SLC35F3: variants seen among roughly 807,000 people sequenced by gnomAD.
SLC35F3 encodes the protein solute carrier family 35 member F3.
A neutral mutation model predicts 49.9 loss-of-function variants in SLC35F3; 25 were observed. The ratio of observed to expected loss-of-function variants is 0.50; its 90% CI spans 0.37 to 0.70. The LOEUF is 0.70. SLC35F3 is among the 30% of genes least tolerant of loss of function. The pLI is 0.00. For missense variants in SLC35F3, 525 were observed against 639.8 expected, an observed-to-expected ratio of 0.82 and a Z score of 1.94; for synonymous variants, 275 against 265.4, an observed-to-expected ratio of 1.04 and a Z score of -0.35.
intron 2 of SLC35F3, among the ~76,000 whole-genome samples, chr1:234,210,089 G>C (rs1667027841): frequency 6.6e-6 from 1 of 152,136 alleles, no homozygotes; most frequent in Admixed American, 6.5e-5. Flanking sequence ...GAGTGAGTAA[G>C]TCTCATGAGA....
intron 2 of SLC35F3, among the ~76,000 whole-genome samples, chr1:234,010,995 A>G (rs2102837539): frequency 6.6e-6 from 1 of 152,326 alleles, no homozygotes; most frequent in Middle Eastern, 3.4e-3. Context: ...AATATGTATA[A>G]CCAAATCCAT....
intron 3 of SLC35F3, among the ~76,000 whole-genome samples, chr1:234,270,803 A>C (rs1558092990): frequency 6.6e-6 from 1 of 152,228 alleles, no homozygotes; most frequent in East Asian, 1.9e-4. Flanking sequence ...AATTGGGATG[A>C]TGCCTGCCTG....
In SLC35F3 at chr1:234,214,673, G is replaced by A; in HGVS notation, c.284-16744G>A. The A allele has an allele frequency of 7.1e-7, 1 of 1,411,636 alleles. No individual in the cohort carries two copies. Among genetic ancestry groups the A allele is most frequent in the Middle Eastern group, 1.8e-4 (1 of 5,434 alleles). 87.4% of individuals were successfully genotyped at this position (1,411,636 alleles called of 1,614,324 possible). A position where few individuals can be genotyped will look rare whatever the true frequency, so the allele number is the denominator to read the frequency against. ...TCTGGCTGCGGGGCGCCGGGGCTGGGGGTACTGCTCCCCCAGGACGCGGCT... is the reference window on the plus strand; with the variant it reads ...TCTGGCTGCGGGGCGCCGGGGCTGGAGGTACTGCTCCCCCAGGACGCGGCT... On this transcript the variant is annotated intron_variant, in intron 2 of 7. Transcript: ENST00000366618. This position sits in a 1 kb window ranked among gnomAD's most constrained non-coding sequence, Gnocchi z 8.0.
intron 2 of SLC35F3, among the ~76,000 whole-genome samples, chr1:234,203,296 G>C (rs1382769431): frequency 6.6e-6 from 1 of 152,200 alleles, no homozygotes; most frequent in Non-Finnish European, 1.5e-5. Flanking sequence ...TATTTTAAAA[G>C]TGAAAAGTTT....
At chr1:234,162,579 A>G (rs1442064494) in intron 2 of SLC35F3, among the ~76,000 whole-genome samples, 1 of 151,354 alleles carries the variant, frequency 6.6e-6, no homozygotes, top group Admixed American at 6.6e-5. Context: ...TCCCTCACCT[A>G]GCTCACCTCT....
rs1664295471 is a variant in SLC35F3, at chr1:234,046,629, T to G, written c.283+140871T>G. Among the ~76,000 whole-genome samples the G allele has an allele frequency of 6.6e-6, 1 of 152,184 alleles. No individual in the cohort carries two copies. The highest frequency in any genetic ancestry group is 2.1e-4 in the South Asian group (1 of 4,832). ...AATGATTTTACTCATGGTTTATACTTTTTCATATATACATATTTCTTGTCT... is the reference window on the plus strand; with the variant it reads ...AATGATTTTACTCATGGTTTATACTGTTTCATATATACATATTTCTTGTCT... On this transcript the variant is annotated intron_variant, in intron 2 of 7. Coordinates refer to ENST00000366618, the MANE Select transcript of SLC35F3 (RefSeq NM_173508.4). The surrounding 1 kb of genome is among the most constrained non-coding windows in gnomAD (Gnocchi z 4.4).
At chr1:234,064,810 A>G (rs529204772) in intron 2 of SLC35F3, among the ~76,000 whole-genome samples, 1 of 151,774 alleles carries the variant, frequency 6.6e-6, no homozygotes, top group South Asian at 2.1e-4. Flanking sequence ...AAAGTTTCTT[A>G]TCCTCTAACA....
chr1:233,944,557 T>C (rs990848339), intron 2 of SLC35F3, among the ~76,000 whole-genome samples: 4 of 151,996 alleles, frequency 2.6e-5, no homozygotes, highest in African/African-American at 9.7e-5. Context: ...AGCTCGGGAG[T>C]TCCGGTACCT....
intron 2 of SLC35F3, among the ~76,000 whole-genome samples, chr1:234,226,714 T>C (rs1431076154): frequency 6.6e-6 from 1 of 152,140 alleles, no homozygotes; most frequent in Non-Finnish European, 1.5e-5. Context: ...GTGCAGACAT[T>C]GCCTCTAGGT....
intron 2 of SLC35F3, among the ~76,000 whole-genome samples, chr1:234,008,376 A>C (rs1663663461): frequency 6.6e-6 from 1 of 152,128 alleles, no homozygotes; most frequent in South Asian, 2.1e-4. Flanking sequence ...CTGTGTTAGG[A>C]CTGTATGCTC....
chr1:234,264,286 C>T (rs751524848), intron 3 of SLC35F3, among the ~76,000 whole-genome samples: 11 of 152,224 alleles, frequency 7.2e-5, no homozygotes, highest in African/African-American at 1.2e-4. Flanking sequence ...GACCTCACTC[C>T]AGCAGTTGTT....
intron 2 of SLC35F3, among the ~76,000 whole-genome samples, chr1:234,058,804 GT>G (rs200101159): frequency 2.6e-5 from 4 of 151,206 alleles, no homozygotes; most frequent in African/African-American, 4.9e-5. Flanking sequence ...ATTTTTTTGG[GT>G]TTTTTTTGGT....
chr1:234,224,124 G>A (rs558310436), intron 2 of SLC35F3, among the ~76,000 whole-genome samples: 6 of 152,066 alleles, frequency 3.9e-5, no homozygotes, highest in Admixed American at 6.5e-5. Context: ...GAGTGCACTG[G>A]CGCAATCACT....
chr1:234,180,377 T>C (rs1163858728), intron 2 of SLC35F3, among the ~76,000 whole-genome samples: 1 of 152,200 alleles, frequency 6.6e-6, no homozygotes, highest in Non-Finnish European at 1.5e-5. Flanking sequence ...CTTAAATCCC[T>C]TTCTTCAGAA....
At chr1:233,930,126 C>T (rs1262597099) in intron 2 of SLC35F3, among the ~76,000 whole-genome samples, 1 of 148,876 alleles carries the variant, frequency 6.7e-6, no homozygotes, top group East Asian at 2.0e-4. Context: ...TCCAGCCTGG[C>T]TGCCAGAGTG....
At chr1:234,183,045 C>T (rs1265937901) in intron 2 of SLC35F3, among the ~76,000 whole-genome samples, 1 of 142,878 alleles carries the variant, frequency 7.0e-6, no homozygotes, top group Non-Finnish European at 1.5e-5. Flanking sequence ...GAGATGGAGT[C>T]TCACTCTGTC....
At chr1:234,060,832 C>A (rs1664529030) in intron 2 of SLC35F3, among the ~76,000 whole-genome samples, 1 of 152,160 alleles carries the variant, frequency 6.6e-6, no homozygotes, top group African/African-American at 2.4e-5. Context: ...ATTTGAGTTA[C>A]AATCTGAAGT....
chr1:234,248,342 GTTTGATGGGT>G (rs1667679051), intron 3 of SLC35F3, among the ~76,000 whole-genome samples: 1 of 139,308 alleles, frequency 7.2e-6, no homozygotes, highest in Non-Finnish European at 1.5e-5. Flanking sequence ...CTGGTCCATT[GTTTGATGGGT>G]CAGTTGGCCG....
At chr1:234,240,122 T>C (rs975765907) in intron 3 of SLC35F3, among the ~76,000 whole-genome samples, 1 of 152,224 alleles carries the variant, frequency 6.6e-6, no homozygotes, top group Admixed American at 6.5e-5. Context: ...AAAGTGATGA[T>C]GATGATGTCA....
Sources: allele counts gnomAD v4.1 joint callset (sites outside exome capture counted in the v4.1 genomes callset), GRCh38; gene constraint gnomAD v4.1.1; non-coding constraint Gnocchi (gnomAD v3.1); transcripts MANE v1.5; gene names NCBI Gene and HGNC (gene_info 2026-07-23, HGNC 2026-07-21).